The following CAB39 variants were observed in gnomAD, a reference collection of about 807,000 sequenced individuals.
CAB39 encodes the protein calcium binding protein 39.
CAB39 carries 8 observed loss-of-function variants against 40.0 expected under a neutral mutation model. That is an observed-to-expected ratio of 0.20 (90% CI 0.12 to 0.36). The LOEUF (loss-of-function observed/expected upper bound fraction) is 0.36, where lower values mean the gene tolerates loss of function less well. Ranked by LOEUF, CAB39 falls within the 10% of genes least tolerant of loss-of-function variation. The pLI, the probability that CAB39 is intolerant of heterozygous loss-of-function variation, is 1.00. For missense variants in CAB39, 270 were observed against 401.1 expected (o/e 0.67, Z 2.79); for synonymous variants, 156 against 141.6 (o/e 1.10, Z -0.72).
At chr2:230,773,312 A>ATG (rs1321034177) in intron 2 of CAB39, among the ~76,000 whole-genome samples, 1,727 of 85,022 alleles carry the variant, frequency 0.02, 27 homozygotes, top group Middle Eastern at 0.03. Flanking sequence ...ATATATATAT[A>ATG]TATGTGTGTG....
chr2:230,716,562 A>C (rs1431988882), intron 1 of CAB39, among the ~76,000 whole-genome samples: 1 of 152,134 alleles, frequency 6.6e-6, no homozygotes, highest in Non-Finnish European at 1.5e-5. Context: ...TTATTTTTTA[A>C]TTTAAAAAAT....
At position 230,820,113 on chromosome 2, in the gene CAB39, C is replaced by A. The variant is rs1209130291; in HGVS notation, c.*1409C>A. The A allele has an allele frequency of 6.6e-6, 1 of 152,578 alleles. No homozygotes were observed. The highest frequency in any genetic ancestry group is 1.5e-5 in the Non-Finnish European group (1 of 68,038). 9.5% of individuals were successfully genotyped at this position (152,578 alleles called of 1,614,324 possible). On this transcript the variant is annotated 3_prime_UTR_variant, in exon 9 of 9. Coordinates refer to ENST00000258418, the MANE Select transcript of CAB39 (RefSeq NM_016289.4). ...CCACGGCAGAACAATGTCTTCTAGA[C>A]TATATCTATGTAAAGTTATTAGAAT... is the stretch of plus-strand genomic sequence containing the variant.
intron 5 of CAB39, among the ~76,000 whole-genome samples, chr2:230,800,665 C>G (rs1238711774): frequency 6.6e-6 from 1 of 152,130 alleles, no homozygotes; most frequent in Non-Finnish European, 1.5e-5. Context: ...TGGCAGTACT[C>G]TGGCCACATG....
At chr2:230,814,296 C>G (rs1008660479) in intron 7 of CAB39, among the ~76,000 whole-genome samples, 182 bp downstream of exon 7, 2 of 152,048 alleles carry the variant, frequency 1.3e-5, no homozygotes, top group Non-Finnish European at 2.9e-5. Flanking sequence ...GAGCACTTTC[C>G]TGCTTCCTAG....
chr2:230,776,575 T>C (rs1695590370), intron 2 of CAB39, among the ~76,000 whole-genome samples: 1 of 152,234 alleles, frequency 6.6e-6, no homozygotes, highest in African/African-American at 2.4e-5. Flanking sequence ...ATGGGCTTTC[T>C]TCCACTCAGC....
chr2:230,751,467 T>C (rs557143599), intron 1 of CAB39, among the ~76,000 whole-genome samples: 16 of 152,340 alleles, frequency 1.1e-4, no homozygotes, highest in African/African-American at 2.9e-4. Flanking sequence ...TTTTGACTTA[T>C]GGACCTTTTG....
At chr2:230,783,724 A>G (rs1348269201) in intron 2 of CAB39, among the ~76,000 whole-genome samples, 2 of 151,782 alleles carry the variant, frequency 1.3e-5, no homozygotes, top group Non-Finnish European at 2.9e-5. Context: ...CTGGTCTCGA[A>G]CTCCTGAGCT....
chr2:230,789,516 C>A (rs1575948547), intron 2 of CAB39, among the ~76,000 whole-genome samples: 1 of 152,176 alleles, frequency 6.6e-6, no homozygotes, highest in Admixed American at 6.5e-5. Context: ...GGCAAAACCC[C>A]CTGAGTACTT....
At chr2:230,778,642 T>G (rs1695635597) in intron 2 of CAB39, among the ~76,000 whole-genome samples, 1 of 152,170 alleles carries the variant, frequency 6.6e-6, no homozygotes, top group Non-Finnish European at 1.5e-5. Flanking sequence ...AAGCAGGCAG[T>G]GAAAAATCTC....
At chr2:230,750,413 C>T (rs1695064854) in intron 1 of CAB39, among the ~76,000 whole-genome samples, 1 of 152,146 alleles carries the variant, frequency 6.6e-6, no homozygotes. Flanking sequence ...AAACCCTCAC[C>T]AGAAGCTGAC....
intron 1 of CAB39, among the ~76,000 whole-genome samples, chr2:230,754,639 C>A (rs1695158106): frequency 6.6e-6 from 1 of 152,202 alleles, no homozygotes; most frequent in Non-Finnish European, 1.5e-5. Flanking sequence ...CTGCCTCAGT[C>A]CCCCTAGTAG....
chr2:230,715,035 G>T (rs530790236), intron 1 of CAB39, among the ~76,000 whole-genome samples: 3 of 152,304 alleles, frequency 2.0e-5, no homozygotes, highest in Admixed American at 6.5e-5. Context: ...TTACCACTTA[G>T]ATTTGGTTAC....
chr2:230,773,308 A>ATGTG (rs1361313789), intron 2 of CAB39, among the ~76,000 whole-genome samples: 70 of 88,228 alleles, frequency 7.9e-4, no homozygotes, highest in African/African-American at 3.6e-3. Flanking sequence ...GTATATATAT[A>ATGTG]TATATATGTG....
chr2:230,754,339 C>T (rs1322223132), intron 1 of CAB39, among the ~76,000 whole-genome samples: 2 of 88,926 alleles, frequency 2.2e-5, no homozygotes, highest in East Asian at 2.6e-4. Flanking sequence ...CTTCTTCCTT[C>T]CTCTTCTTCC....
chr2:230,716,906 G>A (rs1694360826), intron 1 of CAB39, among the ~76,000 whole-genome samples: 2 of 152,220 alleles, frequency 1.3e-5, no homozygotes, highest in South Asian at 2.1e-4. Context: ...AGAGGCTGAG[G>A]CAGGAGGGAT....
intron 4 of CAB39, among the ~76,000 whole-genome samples, chr2:230,797,537 A>AT (rs1309853975): frequency 6.8e-6 from 1 of 147,532 alleles, no homozygotes; most frequent in Non-Finnish European, 1.5e-5. Flanking sequence ...GGTGGGGGTG[A>AT]TTTTATGGAG....
rs1045608475 is a variant in CAB39 at position 230,751,588 on chromosome 2, T to C, written c.-43-8371T>C. 1.4e-4 allele frequency among the ~76,000 whole-genome samples: 21 copies of C among 152,166 alleles called. 1 individual carries two copies. The highest frequency in any genetic ancestry group is 1.4e-3 in the Admixed American group (21 of 15,276). Reference sequence around the variant, plus strand: ...TACCTAACAGGCTTAACTTAAATGGTGTGGGCTTTTATTTTCCTAATGGGT... The same window carrying C: ...TACCTAACAGGCTTAACTTAAATGGCGTGGGCTTTTATTTTCCTAATGGGT... On this transcript the variant is annotated intron_variant, in intron 1 of 8. Coordinates refer to ENST00000258418, the MANE Select transcript of CAB39 (RefSeq NM_016289.4).
intron 2 of CAB39, among the ~76,000 whole-genome samples, chr2:230,783,079 C>T (rs998791696): frequency 6.6e-6 from 1 of 152,124 alleles, no homozygotes; most frequent in Non-Finnish European, 1.5e-5. Flanking sequence ...TCGCCCGCCT[C>T]GGCCTCCAAG....
intron 1 of CAB39, among the ~76,000 whole-genome samples, chr2:230,737,990 T>C (rs753808089): frequency 6.6e-6 from 1 of 152,248 alleles, no homozygotes; most frequent in Admixed American, 6.5e-5. Context: ...CCCGATACTT[T>C]ATTACCCATC....
Sources: allele counts gnomAD v4.1 joint callset (sites outside exome capture counted in the v4.1 genomes callset), GRCh38; gene constraint gnomAD v4.1.1; transcripts MANE v1.5; gene names NCBI Gene and HGNC (gene_info 2026-07-23, HGNC 2026-07-21).